TTLL6: variants seen among roughly 807,000 people sequenced by gnomAD.
The protein encoded by TTLL6 is tubulin polyglutamylase TTLL6.
Under a neutral mutation model 96.4 loss-of-function variants are expected in TTLL6, and 75 were observed. That is an observed-to-expected ratio of 0.78 (90% confidence interval 0.65 to 0.94). The LOEUF (loss-of-function observed/expected upper bound fraction) is 0.94, where lower values mean the gene tolerates loss of function less well. Ranked by LOEUF, TTLL6 falls within the 40% of genes least tolerant of loss-of-function variation. TTLL6 has a pLI of 0.00. For synonymous variants in TTLL6, 411 were observed against 419.4 expected (o/e 0.98, Z 0.24); for missense variants, 1,030 against 1,093.0 (o/e 0.94, Z 0.81).
At chr17:48,797,757 C>T (rs2039343324) in intron 6 of TTLL6, among the ~76,000 whole-genome samples, 1 of 143,186 alleles carries the variant, frequency 7.0e-6, no homozygotes, top group Non-Finnish European at 1.5e-5. Flanking sequence ...CACTTCACTC[C>T]AGCCTGGGCG....
intron 13 of TTLL6, among the ~76,000 whole-genome samples, chr17:48,777,393 G>A (rs958888536): frequency 7.9e-5 from 12 of 152,062 alleles, no homozygotes; most frequent in South Asian, 6.2e-4. Context: ...TCAGGAGTTC[G>A]AGACCAGCCT....
At chr17:48,796,229 G>A in intron 7 of TTLL6, 83 bp from the exon 8 acceptor site, 1 of 1,059,642 alleles carries the variant, frequency 9.4e-7, no homozygotes. Context: ...CATGGCCCCT[G>A]GGGCTTGAAG....
chr17:48,810,786 TATATATA>T lies in TTLL6; in HGVS notation c.104-5802_104-5796del, dbSNP rs1324919002. Reference sequence around the variant, plus strand: ...TACACATATATAGTATGTGTGTATATATATATAGTACATATATACACATATATAGTAT... The same window carrying T: ...TACACATATATAGTATGTGTGTATATGTACATATATACACATATATAGTAT... On this transcript the variant is annotated intron_variant, in intron 1 of 15. Transcript: ENST00000393382. Among the ~76,000 whole-genome samples, 467 of 93,778 alleles carry T rather than the reference TATATATA, an allele frequency of 5.0e-3. 15 individuals are homozygous for T. The highest frequency in any genetic ancestry group is 7.9e-3 in the African/African-American group (179 of 22,598). 61.5% of individuals were successfully genotyped at this position (93,778 alleles called of 152,430 possible).
At chr17:48,769,439 A>G (rs1303491524) in intron 14 of TTLL6, among the ~76,000 whole-genome samples, 185 bp from the exon 15 acceptor site, 1 of 152,190 alleles carries the variant, frequency 6.6e-6, no homozygotes, top group Non-Finnish European at 1.5e-5. Flanking sequence ...CATACTTAAC[A>G]TCAGTAACTG....
rs1567732683 is a variant in TTLL6, at chr17:48,801,312, A to G, written c.554T>C (p.Leu185Ser). 1.3e-6 allele frequency: 2 copies of G among 1,551,594 alleles called. No homozygotes were observed. Among genetic ancestry groups the G allele is most frequent in the Admixed American group, 3.9e-5 (2 of 50,976 alleles). ...DLLARNMSRM[L>S]KMFPKDFRFF... The stretch of plus-strand genomic sequence containing the variant: ...GCGGAAATCTTTAGGGAACATCTTT[A>G]ACATGCGGCTCATGTTCCTGGCCAG... The change falls in exon 5 of 16, where the codon TTA becomes TCA. Residue 185 changes from leucine (L) to serine (S), a missense_variant. Leu to Ser is a moderately radical substitution (Grantham distance 145). Transcript: ENST00000393382.
At chr17:48,789,441 C>G (rs1220521949) in intron 10 of TTLL6, among the ~76,000 whole-genome samples, 2 of 152,206 alleles carry the variant, frequency 1.3e-5, no homozygotes, top group Admixed American at 6.5e-5. Context: ...CGCCCAACAA[C>G]CTTATGTATC....
chr17:48,808,081 G>A (rs979174684), intron 1 of TTLL6, among the ~76,000 whole-genome samples: 1 of 151,360 alleles, frequency 6.6e-6, no homozygotes, highest in Non-Finnish European at 1.5e-5. Context: ...CTCGTGATCC[G>A]CCTGCCTCGG....
Position 48,801,322 on chromosome 17 carries a change from T to C in TTLL6, c.544A>G (p.Ser182Gly). 1 of 1,551,524 alleles carries C rather than the reference T, an allele frequency of 6.4e-7. No individual in the cohort carries two copies. Among genetic ancestry groups the C allele is most frequent in the Non-Finnish European group, 8.7e-7 (1 of 1,146,944 alleles). ...TTAGGGAACATCTTTAACATGCGGCTCATGTTCCTGGCCAGCAAGTCCTTC... is the reference window on the plus strand; with the variant it reads ...TTAGGGAACATCTTTAACATGCGGCCCATGTTCCTGGCCAGCAAGTCCTTC... ...CRKDLLARNM[S>G]RMLKMFPKDF... is the part of the protein sequence containing the mutation. Residue 182 changes from serine (S) to glycine (G), a missense_variant, in exon 5 of 16, where the codon AGC (serine) becomes GGC (glycine). Transcript: ENST00000393382.
intron 9 of TTLL6, 103 bp downstream of exon 9, chr17:48,791,274 TG>T (rs2039215805): frequency 2.0e-6 from 2 of 1,005,660 alleles, no homozygotes; most frequent in Non-Finnish European, 3.0e-6. Flanking sequence ...GGAAGTGGCC[TG>T]GGAAGTTGAA....
chr17:48,811,936 G>C (rs2039598584), intron 1 of TTLL6, among the ~76,000 whole-genome samples: 1 of 152,078 alleles, frequency 6.6e-6, no homozygotes, highest in Admixed American at 6.6e-5. Flanking sequence ...CCTGAACTCA[G>C]GTGATCCGCC....
intron 13 of TTLL6, among the ~76,000 whole-genome samples, chr17:48,779,353 CAAAAAAAAAAAAA>C (rs35763170): frequency 1.1e-4 from 5 of 46,260 alleles, no homozygotes; most frequent in South Asian, 1.3e-3. Flanking sequence ...GACTCTGTCT[CAAAAAAAAAAAAA>C]AAAAAAAAAA....
In TTLL6 at chr17:48,816,984, C is replaced by A. The variant is rs975495890; in HGVS notation, c.89G>T (p.Gly30Val). Reference protein sequence around the residue: ...WTSSPAGRDGGVGIAGAWYFP... With the variant: ...WTSSPAGRDGVVGIAGAWYFP... ...GGCGCTCTTACCCGCAATTCCTACT[C>A]CCCCGTCTCGCCCCGCTGGGCTGCT... Residue 30 changes from glycine (G) to valine (V), a missense_variant, in exon 1 of 16, where the codon GGA becomes GTA. Gly to Val is a moderately radical substitution (Grantham distance 109). Coordinates refer to ENST00000393382, the MANE Select transcript of TTLL6 (RefSeq NM_001130918.3). The A allele has an allele frequency of 4.6e-6, 7 of 1,537,742 alleles. No homozygotes were observed. In the African/African-American group the frequency reaches 8.3e-5, roughly 18 times the overall value.
chr17:48,806,920 C>T (rs34786235), intron 1 of TTLL6, among the ~76,000 whole-genome samples: 2,743 of 151,778 alleles, frequency 0.018, 35 homozygotes, highest in Non-Finnish European at 0.027. Flanking sequence ...ATCCCAGCTA[C>T]TCGGCAGGCT....
At chr17:48,810,088 G>A (rs1243824228) in intron 1 of TTLL6, among the ~76,000 whole-genome samples, 20 of 143,186 alleles carry the variant, frequency 1.4e-4, no homozygotes, top group Admixed American at 1.4e-3. Context: ...GCGGTGAGCC[G>A]AGATCATGCC....
chr17:48,780,003 T>C (rs375692483), intron 13 of TTLL6, among the ~76,000 whole-genome samples: 38 of 151,924 alleles, frequency 2.5e-4, no homozygotes, highest in African/African-American at 9.2e-4. Flanking sequence ...CATGATAGCA[T>C]GTAGGTTATA....
At chr17:48,804,033 T>C in intron 2 of TTLL6, 105 bp from the exon 3 acceptor site, 1 of 1,322,796 alleles carries the variant, frequency 7.6e-7, no homozygotes, top group Non-Finnish European at 1.1e-6. Context: ...GTCTGAAATC[T>C]AGCCTGCCAT....
At chr17:48,814,657 G>T (rs1384963369) in intron 1 of TTLL6, among the ~76,000 whole-genome samples, 2 of 152,164 alleles carry the variant, frequency 1.3e-5, no homozygotes, top group South Asian at 2.1e-4. Flanking sequence ...GTCCATTGCG[G>T]GTTATTTGGA....
In TTLL6 at chr17:48,785,082, G is replaced by A. The variant is rs763963991; in HGVS notation, c.1881C>T (p.Ser627=). ...LNQEAPTEEA[S]SVFPKLTSAK... is the part of the protein sequence containing the mutation. ...CAGACGTCAGCTTGGGGAAAACAGAGCTGGCCTCCTCCGTGGGAGCCTCCT... is the reference window on the plus strand; with the variant it reads ...CAGACGTCAGCTTGGGGAAAACAGAACTGGCCTCCTCCGTGGGAGCCTCCT... The change falls in exon 13 of 16, where the codon AGC becomes AGT. Residue 627 remains serine (S), a synonymous_variant. Coordinates refer to ENST00000393382, the MANE Select transcript of TTLL6 (RefSeq NM_001130918.3). 6.2e-7 allele frequency: 1 copy of A among 1,614,134 alleles called. No homozygotes were observed. Among genetic ancestry groups the A allele is most frequent in the South Asian group, 1.1e-5 (1 of 91,078 alleles).
In TTLL6 at chr17:48,762,283, G is replaced by C. The variant is rs1189013466; in HGVS notation, c.*691C>G. Reference sequence around the variant, plus strand: ...TTATTAATGGATGCCTGAAGGGAAAGTGTAACATTTCTGCAGGCTGATAGA... The same window carrying C: ...TTATTAATGGATGCCTGAAGGGAAACTGTAACATTTCTGCAGGCTGATAGA... On this transcript the variant is annotated 3_prime_UTR_variant, in exon 16 of 16. Transcript: ENST00000393382. 1 of 152,214 alleles carries C rather than the reference G, an allele frequency of 6.6e-6. No homozygotes were observed. Among genetic ancestry groups the C allele is most frequent in the African/African-American group, 2.4e-5 (1 of 41,434 alleles). The allele number at this position is 152,214 out of a possible 1,614,324, so 9.4% of individuals were successfully genotyped here.
Sources: allele counts gnomAD v4.1 joint callset (sites outside exome capture counted in the v4.1 genomes callset), GRCh38; gene constraint gnomAD v4.1.1; transcripts MANE v1.5; gene names NCBI Gene and HGNC (gene_info 2026-07-23, HGNC 2026-07-21).